The following CPNE4 variants were observed in gnomAD, a reference collection of about 807,000 sequenced individuals.
The protein encoded by CPNE4 is copine-4.
In CPNE4, 25 loss-of-function variants were observed where a neutral mutation model predicts 67.9. The observed-to-expected ratio is 0.37, with a 90% CI of 0.27 to 0.51. The LOEUF is 0.51. Ranked by LOEUF, CPNE4 falls within the 20% of genes least tolerant of loss-of-function variation. The pLI, the probability that CPNE4 is intolerant of heterozygous loss-of-function variation, is 0.93. For synonymous variants in CPNE4, 242 were observed against 244.9 expected, an observed-to-expected ratio of 0.99 and a Z score of 0.11; for missense variants, 464 against 690.8, an observed-to-expected ratio of 0.67 and a Z score of 3.68.
chr3:131,978,936 T>C (rs1185897939), intron 1 of CPNE4, among the ~76,000 whole-genome samples: 1 of 152,102 alleles, frequency 6.6e-6, no homozygotes, highest in Non-Finnish European at 1.5e-5. Context: ...TCATCTTAAT[T>C]TTGTTTTTGA....
At chr3:131,924,931 G>A (rs2070853087) in intron 1 of CPNE4, among the ~76,000 whole-genome samples, 1 of 152,096 alleles carries the variant, frequency 6.6e-6, no homozygotes, top group Non-Finnish European at 1.5e-5. Flanking sequence ...AAATGGTACT[G>A]TAACCTTGTT....
In CPNE4 at chr3:131,864,258, T is replaced by C. The variant is rs1236296463; in HGVS notation, c.180+41006A>G. Among the ~76,000 whole-genome samples, 5 of 151,614 alleles carry C rather than the reference T, an allele frequency of 3.3e-5. No homozygotes were observed. In the East Asian group the frequency reaches 9.7e-4, roughly 30 times the overall value. On this transcript the variant is annotated intron_variant, in intron 2 of 15. Coordinates refer to ENST00000429747, the MANE Select transcript of CPNE4 (RefSeq NM_130808.3). ...TTCTGTGAAGAAAGTCATTGGTAGC[T>C]TGATGGGGATGGCATTGAATCTATA...
At chr3:131,830,911 A>G (rs2085344024) in intron 2 of CPNE4, among the ~76,000 whole-genome samples, 1 of 152,122 alleles carries the variant, frequency 6.6e-6, no homozygotes. Flanking sequence ...GGTACAAGGT[A>G]CAAAGATACA....
chr3:131,581,549 T>C (rs1190863495), intron 9 of CPNE4, 30 bp downstream of exon 9: 6 of 1,471,258 alleles, frequency 4.1e-6, no homozygotes, highest in Non-Finnish European at 5.7e-6. Flanking sequence ...CCTAGCTTCA[T>C]ACTCCTGGAA....
chr3:131,537,079 G>C (rs1935189336), intron 15 of CPNE4, among the ~76,000 whole-genome samples: 2 of 151,950 alleles, frequency 1.3e-5, no homozygotes, highest in Non-Finnish European at 2.9e-5. Context: ...TCTGGACTCA[G>C]GGCTACACAT....
chr3:131,998,938 A>G (rs753176526), intron 1 of CPNE4, among the ~76,000 whole-genome samples: 6 of 152,048 alleles, frequency 3.9e-5, no homozygotes, highest in Non-Finnish European at 8.8e-5. Context: ...AGTGAAAACA[A>G]AATTACCGGA....
Position 132,020,672 on chromosome 3 carries a change from G to C in CPNE4, c.-2+13895C>G, listed in dbSNP as rs60494384. The stretch of plus-strand genomic sequence containing the variant: ...ATCACCATCATCTCCACCCCTCCAA[G>C]TAATTCATCCATAGCTCTCCAACTC... On this transcript the variant is annotated intron_variant, in intron 1 of 15. Coordinates refer to ENST00000429747, the MANE Select transcript of CPNE4 (RefSeq NM_130808.3). Among the ~76,000 whole-genome samples the C allele has an allele frequency of 5.7e-3, 871 of 152,236 alleles. 2 individuals carry two copies. Among genetic ancestry groups the C allele is most frequent in the African/African-American group, 0.02 (835 of 41,532 alleles).
intron 1 of CPNE4, among the ~76,000 whole-genome samples, chr3:131,978,525 A>AT (rs1560724743): frequency 3.2e-4 from 24 of 74,326 alleles, no homozygotes; most frequent in South Asian, 7.1e-4. Context: ...TATTTATATA[A>AT]ATATAAATAT....
chr3:131,714,270 CT>C (rs1230471422), intron 3 of CPNE4, among the ~76,000 whole-genome samples: 3 of 152,236 alleles, frequency 2.0e-5, no homozygotes, highest in Non-Finnish European at 4.4e-5. Context: ...TGATCAATAG[CT>C]TGTGGTCTGC....
At chr3:131,599,998 A>G (rs1045973024) in intron 7 of CPNE4, among the ~76,000 whole-genome samples, 2 of 152,138 alleles carry the variant, frequency 1.3e-5, no homozygotes, top group African/African-American at 4.8e-5. Flanking sequence ...AGCCCCAGGA[A>G]TCCAGTTTTG....
chr3:132,029,882 C>T (rs530171514), intron 1 of CPNE4, among the ~76,000 whole-genome samples: 3 of 110,834 alleles, frequency 2.7e-5, no homozygotes, highest in African/African-American at 1.0e-4. Flanking sequence ...TGTAAACACT[C>T]ATAAACTCTC....
chr3:131,986,880 A>C (rs1178232253), intron 1 of CPNE4, among the ~76,000 whole-genome samples: 4 of 138,280 alleles, frequency 2.9e-5, no homozygotes, highest in Admixed American at 7.2e-5. Flanking sequence ...AAAAAAAAAA[A>C]CAAAGAACTT....
chr3:131,939,499 T>C (rs973644776), intron 1 of CPNE4, among the ~76,000 whole-genome samples: 8 of 149,166 alleles, frequency 5.4e-5, no homozygotes, highest in Admixed American at 1.4e-4. Flanking sequence ...TTCCGGGAAG[T>C]TGGAAGAGCT....
At chr3:131,609,708 G>A (rs1030046050) in intron 7 of CPNE4, among the ~76,000 whole-genome samples, 2 of 152,184 alleles carry the variant, frequency 1.3e-5, no homozygotes, top group African/African-American at 2.4e-5. Flanking sequence ...TGATTGGAAT[G>A]GAGCTGGTTC....
intron 6 of CPNE4, among the ~76,000 whole-genome samples, chr3:131,670,909 C>T (rs1486122481): frequency 6.6e-6 from 1 of 152,070 alleles, no homozygotes; most frequent in African/African-American, 2.4e-5. Context: ...CTGCATCAGC[C>T]TCCCAAGTGG....
intron 1 of CPNE4, among the ~76,000 whole-genome samples, chr3:131,911,543 T>TTG (rs3041573): frequency 0.033 from 4,865 of 145,934 alleles, 135 homozygotes; most frequent in African/African-American, 0.07. Context: ...GCACTCCAAG[T>TTG]TGTGTGTGTG....
At chr3:131,904,499 TTA>T (rs1336105772) in intron 2 of CPNE4, among the ~76,000 whole-genome samples, 1 of 152,044 alleles carries the variant, frequency 6.6e-6, no homozygotes, top group East Asian at 1.9e-4. Flanking sequence ...CAACAAGAGT[TTA>T]TGTTTCTCTA....
intron 7 of CPNE4, among the ~76,000 whole-genome samples, chr3:131,652,570 A>G (rs2079840555): frequency 6.6e-6 from 1 of 152,222 alleles, no homozygotes; most frequent in South Asian, 2.1e-4. Context: ...ACTATATATT[A>G]TTAAGTTAGA....
chr3:131,606,835 C>CT (rs1440064088), intron 7 of CPNE4, among the ~76,000 whole-genome samples: 3 of 151,994 alleles, frequency 2.0e-5, no homozygotes, highest in Non-Finnish European at 2.9e-5. Flanking sequence ...CAATATTTCT[C>CT]TTTTTTCCTG....
Sources: gnomAD v4.1 joint callset for allele counts (sites outside exome capture counted in the v4.1 genomes callset) on GRCh38, gnomAD v4.1.1 for gene constraint, MANE v1.5 for transcripts, NCBI Gene and HGNC (gene_info 2026-07-23, HGNC 2026-07-21) for gene names.